The following HEMK2 variants were observed in gnomAD, a reference collection of about 807,000 sequenced individuals.
The protein encoded by HEMK2 is HemK methyltransferase 2, ETF1 glutamine and histone H4 lysine.
the HEMK2 span, among the ~76,000 whole-genome samples, chr21:28,851,531 T>C: frequency 3.3e-5 from 5 of 152,184 alleles, no homozygotes; most frequent in African/African-American, 1.2e-4. Flanking sequence ...CAGCAACTTA[T>C]CTTTTACCTT....
At chr21:28,814,280 A>G in the HEMK2 span, among the ~76,000 whole-genome samples, 1 of 151,464 alleles carries the variant, frequency 6.6e-6, no homozygotes. Flanking sequence ...TAAAAACCCT[A>G]GAAGAAAACC....
the HEMK2 span, among the ~76,000 whole-genome samples, chr21:28,831,682 A>AAG: frequency 4.4e-4 from 9 of 20,330 alleles, no homozygotes; most frequent in Non-Finnish European, 7.0e-4. Flanking sequence ...AAAGAAAGAA[A>AAG]GAAGGAAGGA....
chr21:28,811,270 G>GAAAGAA, the HEMK2 span, among the ~76,000 whole-genome samples: 2 of 123,672 alleles, frequency 1.6e-5, no homozygotes, highest in African/African-American at 6.9e-5. Context: ...AAGAAAGAAA[G>GAAAGAA]AGAAAGAAAG....
At chr21:28,681,130 C>T in the HEMK2 span, among the ~76,000 whole-genome samples, 3 of 152,178 alleles carry the variant, frequency 2.0e-5, no homozygotes, top group Non-Finnish European at 2.9e-5. Context: ...TTGCAGATGA[C>T]ATAATTGTAT....
the HEMK2 span, among the ~76,000 whole-genome samples, chr21:28,701,413 C>T: frequency 6.6e-6 from 1 of 152,092 alleles, no homozygotes; most frequent in African/African-American, 2.4e-5. Flanking sequence ...CTGACCAAAA[C>T]CCCTTGATCT....
the HEMK2 span, among the ~76,000 whole-genome samples, chr21:28,706,479 G>A: frequency 6.6e-6 from 1 of 152,058 alleles, no homozygotes; most frequent in Non-Finnish European, 1.5e-5. Flanking sequence ...GACTCTTGCA[G>A]TATCTTTACT....
chr21:28,751,124 G>A, the HEMK2 span, among the ~76,000 whole-genome samples: 7 of 151,366 alleles, frequency 4.6e-5, no homozygotes, highest in East Asian at 3.9e-4. Context: ...CCAGCTACTC[G>A]GGAGGCTGAG....
chr21:28,769,069 T>C, the HEMK2 span, among the ~76,000 whole-genome samples: 2 of 152,140 alleles, frequency 1.3e-5, no homozygotes, highest in African/African-American at 2.4e-5. Context: ...ATTTAGACTG[T>C]TGGTATTTTG....
At chr21:28,632,612 A>G in the HEMK2 span, among the ~76,000 whole-genome samples, 15 of 152,338 alleles carry the variant, frequency 9.8e-5, no homozygotes, top group African/African-American at 3.1e-4. Context: ...ATCGATGTCA[A>G]CATTACCAAG....
chr21:28,767,166 T>C, the HEMK2 span, among the ~76,000 whole-genome samples: 1 of 152,014 alleles, frequency 6.6e-6, no homozygotes, highest in Admixed American at 6.6e-5. Flanking sequence ...CCTGCCACCA[T>C]CCATGTAAGA....
chr21:28,790,220 G>GTTTTTCAAAACAA, the HEMK2 span, among the ~76,000 whole-genome samples: 2 of 152,110 alleles, frequency 1.3e-5, no homozygotes, highest in Non-Finnish European at 1.5e-5. Context: ...CAAAAACTCA[G>GTTTTTCAAAACAA]AAATGTGATT....
the HEMK2 span, among the ~76,000 whole-genome samples, chr21:28,867,968 T>C: frequency 3.3e-5 from 5 of 152,354 alleles, no homozygotes; most frequent in East Asian, 3.9e-4. Context: ...CTTTTGTATA[T>C]GGTGTGAGGT....
At chr21:28,826,284 A>G in the HEMK2 span, among the ~76,000 whole-genome samples, 1 of 152,086 alleles carries the variant, frequency 6.6e-6, no homozygotes, top group South Asian at 2.1e-4. Flanking sequence ...GGGAACTAAA[A>G]CCCATCTGTA....
At chr21:28,756,612 A>C in the HEMK2 span, among the ~76,000 whole-genome samples, 1 of 152,240 alleles carries the variant, frequency 6.6e-6, no homozygotes, top group African/African-American at 2.4e-5. Context: ...TTTACAGAGA[A>C]GACAAGTGCC....
At chr21:28,835,410 T>C in the HEMK2 span, among the ~76,000 whole-genome samples, 4 of 152,146 alleles carry the variant, frequency 2.6e-5, no homozygotes, top group African/African-American at 9.7e-5. Flanking sequence ...CTGCAGTTCA[T>C]CTCACAGGAA....
chr21:28,751,211 A>G, the HEMK2 span, among the ~76,000 whole-genome samples: 27,482 of 147,362 alleles, frequency 0.19, 3,212 homozygotes, highest in African/African-American at 0.33. Flanking sequence ...AGCCTGGGTG[A>G]CAGAGCAACA....
chr21:28,691,572 G>A, the HEMK2 span, among the ~76,000 whole-genome samples: 10 of 152,090 alleles, frequency 6.6e-5, no homozygotes, highest in East Asian at 7.7e-4. Context: ...TACTGCCCCC[G>A]AGCCTGCAAT....
chr21:28,776,601 G>A, the HEMK2 span, among the ~76,000 whole-genome samples: 3 of 152,236 alleles, frequency 2.0e-5, no homozygotes, highest in East Asian at 5.8e-4. Context: ...TCCCACAATG[G>A]GCCATCTGCA....
the HEMK2 span, among the ~76,000 whole-genome samples, chr21:28,736,793 T>TAA: frequency 1.3e-4 from 19 of 141,644 alleles, no homozygotes; most frequent in East Asian, 4.1e-4. Flanking sequence ...TGGATACAAT[T>TAA]AAAAAAAAAA....
Sources: allele counts gnomAD v4.1 joint callset (sites outside exome capture counted in the v4.1 genomes callset), GRCh38; gene constraint gnomAD v4.1.1; transcripts MANE v1.5; gene names NCBI Gene and HGNC (gene_info 2026-07-23, HGNC 2026-07-21).